COL5A2: variants seen among roughly 807,000 people sequenced by gnomAD.
COL5A2 encodes the protein collagen alpha-2(V) chain.
COL5A2 carries 23 observed loss-of-function variants against 208.2 expected under a neutral mutation model. The observed-to-expected ratio is 0.11, with a 90% CI of 0.08 to 0.16. The LOEUF is 0.16. Ranked by LOEUF, COL5A2 falls within the 10% of genes least tolerant of loss-of-function variation. The pLI is 1.00. For missense variants in COL5A2, 1,590 were observed against 1,956.4 expected, an observed-to-expected ratio of 0.81 and a Z score of 3.53; for synonymous variants, 625 against 628.5, an observed-to-expected ratio of 0.99 and a Z score of 0.08.
At chr2:189,075,261 G>T (rs2105621599) in intron 17 of COL5A2, 132 bp downstream of exon 17, 1 of 660,626 alleles carries the variant, frequency 1.5e-6, no homozygotes, top group East Asian at 2.9e-5. Context: ...TTTTGAAGAA[G>T]TACTATGTGT....
intron 1 of COL5A2, among the ~76,000 whole-genome samples, chr2:189,212,712 C>T (rs1047667091): frequency 3.3e-5 from 5 of 149,340 alleles, no homozygotes; most frequent in African/African-American, 1.2e-4. Context: ...CTGATAGGAG[C>T]GAAAGAAAAA....
At chr2:189,040,335 CTT>C (rs34847104) in intron 50 of COL5A2, among the ~76,000 whole-genome samples, 1,749 of 138,194 alleles carry the variant, frequency 0.013, 44 homozygotes, top group African/African-American at 0.043. Flanking sequence ...GCCCTCCTGC[CTT>C]TTTTTTTTTT....
chr2:189,201,952 G>A (rs977684890), intron 1 of COL5A2, among the ~76,000 whole-genome samples: 1 of 151,248 alleles, frequency 6.6e-6, no homozygotes, highest in African/African-American at 2.4e-5. Flanking sequence ...TTTAAATCTA[G>A]TCTGTTAATA....
chr2:189,190,173 A>G (rs1688905534), intron 1 of COL5A2, among the ~76,000 whole-genome samples: 1 of 152,158 alleles, frequency 6.6e-6, no homozygotes, highest in Admixed American at 6.5e-5. Flanking sequence ...CCAGTTGGAG[A>G]GTGTACTATT....
chr2:189,065,528 G>GAAA (rs1044645634), intron 23 of COL5A2, among the ~76,000 whole-genome samples: 1 of 142,914 alleles, frequency 7.0e-6, no homozygotes, highest in Non-Finnish European at 1.5e-5. Context: ...GACTATGTCA[G>GAAA]AAAAAAAAAA....
At chr2:189,040,000 A>G (rs1685525474) in intron 50 of COL5A2, among the ~76,000 whole-genome samples, 1 of 152,214 alleles carries the variant, frequency 6.6e-6, no homozygotes, top group Non-Finnish European at 1.5e-5. Flanking sequence ...CTATAAGATT[A>G]CATGTCAATA....
At chr2:189,141,248 G>A (rs75770252) in intron 1 of COL5A2, among the ~76,000 whole-genome samples, 26 of 151,996 alleles carry the variant, frequency 1.7e-4, no homozygotes, top group Admixed American at 4.6e-4. Flanking sequence ...ATTAATATGC[G>A]TAAGGTTACC....
intron 1 of COL5A2, among the ~76,000 whole-genome samples, chr2:189,141,888 T>C (rs932024305): frequency 3.3e-5 from 5 of 152,172 alleles, no homozygotes; most frequent in African/African-American, 1.2e-4. Context: ...ATGTCAAGGA[T>C]GAAAGACTAA....
intron 1 of COL5A2, among the ~76,000 whole-genome samples, chr2:189,142,840 T>C (rs949032043): frequency 1.3e-5 from 2 of 152,174 alleles, no homozygotes; most frequent in Non-Finnish European, 2.9e-5. Context: ...TTGTGTCATT[T>C]TTTTTTTCAC....
chr2:189,151,207 C>T (rs181340864), intron 1 of COL5A2, among the ~76,000 whole-genome samples: 96 of 152,236 alleles, frequency 6.3e-4, no homozygotes, highest in Non-Finnish European at 1.3e-4. Flanking sequence ...TTGAAATGAA[C>T]TCATGCCCTT....
intron 1 of COL5A2, among the ~76,000 whole-genome samples, chr2:189,215,001 A>C (rs1189609396): frequency 6.6e-6 from 1 of 152,152 alleles, no homozygotes; most frequent in Non-Finnish European, 1.5e-5. Context: ...TTCAGTTTAA[A>C]ATTGTGATAA....
intron 1 of COL5A2, among the ~76,000 whole-genome samples, chr2:189,115,094 T>C (rs1350502371): frequency 1.3e-5 from 2 of 152,096 alleles, no homozygotes; most frequent in African/African-American, 4.8e-5. Context: ...ATAAATTGAA[T>C]CCATTGTGAA....
At chr2:189,128,703 C>A (rs1243615557) in intron 1 of COL5A2, among the ~76,000 whole-genome samples, 1 of 151,962 alleles carries the variant, frequency 6.6e-6, no homozygotes, top group Non-Finnish European at 1.5e-5. Context: ...TTACTATCGT[C>A]CTCACAATAA....
chr2:189,296,402 G>A, the COL5A2 span, among the ~76,000 whole-genome samples: 1 of 152,016 alleles, frequency 6.6e-6, no homozygotes, highest in Non-Finnish European at 1.5e-5. Flanking sequence ...AAGTCACTCT[G>A]CTTATTCTAC....
At chr2:189,342,161 A>C in the COL5A2 span, among the ~76,000 whole-genome samples, 1 of 150,268 alleles carries the variant, frequency 6.7e-6, no homozygotes, top group South Asian at 2.1e-4. Context: ...ATTATAGGTA[A>C]GCAAAACCAA....
intron 1 of COL5A2, among the ~76,000 whole-genome samples, chr2:189,116,605 T>C (rs936098850): frequency 1.8e-4 from 28 of 152,306 alleles, no homozygotes; most frequent in Non-Finnish European, 3.4e-4. Context: ...TAAGTATGTA[T>C]GGGGTAGGCC....
intron 1 of COL5A2, among the ~76,000 whole-genome samples, chr2:189,172,347 C>CA (rs959141698): frequency 2.0e-5 from 3 of 152,168 alleles, no homozygotes; most frequent in Admixed American, 2.0e-4. Context: ...GGAGGTGCTT[C>CA]AAAACAATTC....
rs577654891 is a variant in COL5A2 at position 189,048,064 on chromosome 2, A to T, written c.3201+145T>A. The T allele has an allele frequency of 5.5e-6, 4 of 721,550 alleles. No individual in the cohort carries two copies. The African/African-American group carries it at 7.1e-5, about 13-fold the overall frequency. 44.7% of individuals were successfully genotyped at this position (721,550 alleles called of 1,614,324 possible). A position where few individuals can be genotyped will look rare whatever the true frequency, so the allele number is the denominator to read the frequency against. On this transcript the variant is annotated intron_variant, in intron 45 of 53. Coordinates refer to ENST00000374866, the MANE Select transcript of COL5A2 (RefSeq NM_000393.5). ...ATCATTTCATTTACAAGATATAAAA[A>T]TTATGGCTTTACAGAAACAGTTGTT...
At chr2:189,278,712 T>C in the COL5A2 span, among the ~76,000 whole-genome samples, 1 of 151,966 alleles carries the variant, frequency 6.6e-6, no homozygotes, top group Admixed American at 6.6e-5. Flanking sequence ...TTTCTCTCTC[T>C]AGGACTGCTC....
Sources: allele counts gnomAD v4.1 joint callset (sites outside exome capture counted in the v4.1 genomes callset), GRCh38; gene constraint gnomAD v4.1.1; transcripts MANE v1.5; gene names NCBI Gene and HGNC (gene_info 2026-07-23, HGNC 2026-07-21).